The following IMMP2L variants were observed in gnomAD, a reference collection of about 807,000 sequenced individuals.
IMMP2L encodes inner mitochondrial membrane peptidase subunit 2.
A neutral mutation model predicts 19.3 loss-of-function variants in IMMP2L; 18 were observed. The observed-to-expected ratio is 0.93, with a 90% CI of 0.64 to 1.38. IMMP2L has a LOEUF of 1.38. IMMP2L is among the 40% of genes most tolerant of loss of function. The pLI, the probability that IMMP2L is intolerant of heterozygous loss-of-function variation, is 0.00. For missense variants in IMMP2L, 233 were observed against 218.2 expected, an observed-to-expected ratio of 1.07 and a Z score of -0.43; for synonymous variants, 76 against 73.0, an observed-to-expected ratio of 1.04 and a Z score of -0.21.
intron 3 of IMMP2L, among the ~76,000 whole-genome samples, chr7:111,367,825 T>C (rs1383138827): frequency 6.6e-6 from 1 of 151,806 alleles, no homozygotes; most frequent in African/African-American, 2.4e-5. Flanking sequence ...AGTTCTTACA[T>C]TGAAAACAGA....
chr7:110,712,300 G>C (rs372566048), intron 5 of IMMP2L, among the ~76,000 whole-genome samples: 9 of 45,406 alleles, frequency 2.0e-4, no homozygotes, highest in South Asian at 1.4e-3. Context: ...CTGCTGGGGG[G>C]TGCCTCCCAG....
At chr7:110,902,888 C>T (rs1349687231) in intron 4 of IMMP2L, among the ~76,000 whole-genome samples, 1 of 35,294 alleles carries the variant, frequency 2.8e-5, no homozygotes, top group Non-Finnish European at 4.6e-5. Flanking sequence ...GCCGAGATTG[C>T]GCCACTGCAC....
At chr7:111,048,864 G>A (rs1690589961) in intron 3 of IMMP2L, among the ~76,000 whole-genome samples, 1 of 151,900 alleles carries the variant, frequency 6.6e-6, no homozygotes, top group African/African-American at 2.4e-5. Flanking sequence ...ATGTACTGCA[G>A]GGACACCAAG....
intron 3 of IMMP2L, among the ~76,000 whole-genome samples, chr7:111,173,710 C>G (rs1227839188): frequency 1.3e-5 from 2 of 151,588 alleles, no homozygotes; most frequent in Admixed American, 1.3e-4. Flanking sequence ...TAATCTTCCT[C>G]CTGGGGTGTT....
intron 4 of IMMP2L, among the ~76,000 whole-genome samples, chr7:110,914,689 T>C (rs1813404120): frequency 6.6e-6 from 1 of 152,224 alleles, no homozygotes; most frequent in Non-Finnish European, 1.5e-5. Flanking sequence ...TTCAAAGTGA[T>C]GTCTTATTCT....
intron 4 of IMMP2L, among the ~76,000 whole-genome samples, chr7:110,960,173 G>T (rs1352914254): frequency 6.6e-6 from 1 of 151,662 alleles, no homozygotes; most frequent in African/African-American, 2.4e-5. Context: ...CATTCTTTTG[G>T]GTTTTAAAAA....
intron 3 of IMMP2L, among the ~76,000 whole-genome samples, chr7:111,458,453 G>T (rs1400541442): frequency 6.6e-6 from 1 of 151,336 alleles, no homozygotes; most frequent in African/African-American, 2.4e-5. Flanking sequence ...TTTAACAAAT[G>T]AATAACTTAC....
intron 3 of IMMP2L, among the ~76,000 whole-genome samples, chr7:111,312,723 T>G (rs1744024272): frequency 6.6e-6 from 1 of 152,116 alleles, no homozygotes. Flanking sequence ...GAGCTGACCC[T>G]GCATGGAACG....
chr7:110,696,425 C>CTTTTTTTTTTTT (rs374621101), intron 5 of IMMP2L, among the ~76,000 whole-genome samples: 3 of 119,856 alleles, frequency 2.5e-5, no homozygotes, highest in Non-Finnish European at 3.3e-5. Flanking sequence ...TCCTTTTTCT[C>CTTTTTTTTTTTT]TTTTTTTTTT....
chr7:111,387,894 T>C (rs1371492745), intron 3 of IMMP2L, among the ~76,000 whole-genome samples: 1 of 142,018 alleles, frequency 7.0e-6, no homozygotes, highest in African/African-American at 2.7e-5. Context: ...GGGAATCACC[T>C]GAAACCAGGA....
rs1016052100 is a variant in IMMP2L, at chr7:110,847,642, G to A, written c.408+38951C>T. On this transcript the variant is annotated intron_variant, in intron 5 of 5. Transcript: ENST00000405709. ...TTGAAGGAGAAGAAGAACATCAGAG[G>A]ACTGACATTAGCTGATTTTAAAGCT... is the stretch of plus-strand genomic sequence containing the variant. Among the ~76,000 whole-genome samples the A allele has an allele frequency of 7.2e-5, 11 of 152,068 alleles. 1 individual carries two copies. The highest frequency in any genetic ancestry group is 2.0e-4 in the Admixed American group (3 of 15,246).
intron 3 of IMMP2L, among the ~76,000 whole-genome samples, chr7:111,122,263 A>G (rs1159033341): frequency 6.6e-6 from 1 of 152,198 alleles, no homozygotes; most frequent in Non-Finnish European, 1.5e-5. Context: ...AAAAAGATAA[A>G]GTCACCAAAC....
chr7:111,256,656 C>A (rs1193927270), intron 3 of IMMP2L, among the ~76,000 whole-genome samples: 2 of 151,970 alleles, frequency 1.3e-5, no homozygotes, highest in Non-Finnish European at 2.9e-5. Flanking sequence ...GAGAAAAGTT[C>A]TTTTAAATCG....
intron 3 of IMMP2L, among the ~76,000 whole-genome samples, chr7:111,336,678 T>G (rs757359748): frequency 2.6e-5 from 4 of 152,040 alleles, no homozygotes; most frequent in Non-Finnish European, 5.9e-5. Flanking sequence ...GTTATATAAT[T>G]TCTTGCTCTT....
In IMMP2L at chr7:111,104,977, T is replaced by A. The variant is rs540211605; in HGVS notation, c.240-141412A>T. On this transcript the variant is annotated intron_variant, in intron 3 of 5. Transcript: ENST00000405709. ...TTCCAAATATAATGGCTGTTACAAG[T>A]GATTTGAGTCTAAAATGTGAATCTA... Among the ~76,000 whole-genome samples the A allele has an allele frequency of 2.0e-4, 30 of 151,808 alleles. No homozygotes were observed. In the East Asian group the frequency reaches 5.0e-3, roughly 25 times the overall value.
intron 3 of IMMP2L, among the ~76,000 whole-genome samples, chr7:111,357,145 A>G (rs908185177): frequency 2.6e-5 from 4 of 152,230 alleles, no homozygotes; most frequent in Non-Finnish European, 5.9e-5. Context: ...ATGTGGACAC[A>G]GACTGGCCCA....
At chr7:111,287,090 G>A (rs1007302890) in intron 3 of IMMP2L, among the ~76,000 whole-genome samples, 1 of 152,050 alleles carries the variant, frequency 6.6e-6, no homozygotes, top group Non-Finnish European at 1.5e-5. Context: ...TTTTAGAGAA[G>A]GTGCTATGAA....
chr7:111,450,759 A>G (rs1401916933), intron 3 of IMMP2L, among the ~76,000 whole-genome samples: 1 of 151,434 alleles, frequency 6.6e-6, no homozygotes, highest in East Asian at 1.9e-4. Flanking sequence ...AACTACCATC[A>G]GACTGAACAG....
At chr7:111,118,671 T>A (rs541798381) in intron 3 of IMMP2L, among the ~76,000 whole-genome samples, 2 of 152,078 alleles carry the variant, frequency 1.3e-5, no homozygotes, top group Admixed American at 6.6e-5. Flanking sequence ...AAGAAGATAC[T>A]ATTATTACTT....
Sources: gnomAD v4.1 joint callset for allele counts (sites outside exome capture counted in the v4.1 genomes callset) on GRCh38, gnomAD v4.1.1 for gene constraint, MANE v1.5 for transcripts, NCBI Gene and HGNC (gene_info 2026-07-23, HGNC 2026-07-21) for gene names.